The following CSMD1 variants were observed in gnomAD, a reference collection of about 807,000 sequenced individuals.
CSMD1 encodes the protein CUB and sushi domain-containing protein 1.
Under a neutral mutation model 417.5 loss-of-function variants are expected in CSMD1, and 213 were observed. The observed-to-expected ratio is 0.51, with a 90% CI of 0.46 to 0.57. CSMD1 has a LOEUF of 0.57. CSMD1 is among the 20% of genes least tolerant of loss of function. The probability of loss-of-function intolerance (pLI) is 0.00; values close to 1 mark genes in which losing one functional copy is unlikely to be tolerated. For missense variants in CSMD1, 6,923 were observed against 4,529.7 expected, an observed-to-expected ratio of 1.53 and a Z score of -15.17; for synonymous variants, 2,862 against 1,736.8, an observed-to-expected ratio of 1.65 and a Z score of -16.11.
At chr8:4,612,466 G>A (rs574589657) in intron 2 of CSMD1, among the ~76,000 whole-genome samples, 1 of 152,194 alleles carries the variant, frequency 6.6e-6, no homozygotes, top group East Asian at 1.9e-4. Flanking sequence ...TCCTTCTCAA[G>A]AACTCTGAGG....
At chr8:3,459,055 C>G (rs1035941018) in intron 12 of CSMD1, among the ~76,000 whole-genome samples, 2 of 152,186 alleles carry the variant, frequency 1.3e-5, no homozygotes, top group East Asian at 3.9e-4. Flanking sequence ...AGAAGGGAAG[C>G]GGCATGAGCG....
At chr8:4,492,011 C>T (rs566821775) in intron 2 of CSMD1, among the ~76,000 whole-genome samples, 1 of 148,092 alleles carries the variant, frequency 6.8e-6, no homozygotes, top group African/African-American at 2.5e-5. Flanking sequence ...GGTACATCCA[C>T]ATAGTGGAAT....
At chr8:4,733,279 GA>G (rs1476420731) in intron 1 of CSMD1, among the ~76,000 whole-genome samples, 1 of 152,112 alleles carries the variant, frequency 6.6e-6, no homozygotes, top group African/African-American at 2.4e-5. Flanking sequence ...TATGCAGAAG[GA>G]AAAATAAATG....
chr8:4,443,167 G>A (rs1444011494), intron 2 of CSMD1, among the ~76,000 whole-genome samples: 3 of 152,134 alleles, frequency 2.0e-5, no homozygotes, highest in Admixed American at 1.3e-4. Flanking sequence ...TTAAATGGTA[G>A]AATTCTTACA....
intron 3 of CSMD1, among the ~76,000 whole-genome samples, chr8:4,400,895 C>G (rs1804601272): frequency 6.6e-6 from 1 of 151,650 alleles, no homozygotes; most frequent in African/African-American, 2.4e-5. Flanking sequence ...AGGTGCCAAT[C>G]TTTTGTATAT....
Position 3,321,809 on chromosome 8 carries a change from A to C in CSMD1, c.3632-13306T>G, listed in dbSNP as rs532130792. Among the ~76,000 whole-genome samples, 5 of 152,362 alleles carry C rather than the reference A, an allele frequency of 3.3e-5. No homozygotes were observed. In the East Asian group the frequency reaches 9.6e-4, roughly 29 times the overall value. On this transcript the variant is annotated intron_variant, in intron 23 of 69. Coordinates refer to ENST00000635120, the MANE Select transcript of CSMD1 (RefSeq NM_033225.6). Reference sequence around the variant, plus strand: ...TAAAAATAAGTGAGCTGATTTTCAAAATCGTGAAAATAAATGTGTTTCAAA... The same window carrying C: ...TAAAAATAAGTGAGCTGATTTTCAACATCGTGAAAATAAATGTGTTTCAAA...
intron 2 of CSMD1, among the ~76,000 whole-genome samples, chr8:4,449,257 TG>T (rs771144042): frequency 7.9e-5 from 12 of 152,202 alleles, no homozygotes; most frequent in Non-Finnish European, 1.8e-4. Flanking sequence ...ACACTCAGGT[TG>T]TAACTATTGA....
chr8:3,556,904 C>G lies in CSMD1; in HGVS notation c.1344+18041G>C, dbSNP rs116604558. Among the ~76,000 whole-genome samples the G allele has an allele frequency of 5.2e-3, 799 of 152,226 alleles. 7 individuals are homozygous for G. Among genetic ancestry groups the G allele is most frequent in the African/African-American group, 0.018 (762 of 41,522 alleles). On this transcript the variant is annotated intron_variant, in intron 10 of 69. Transcript: ENST00000635120. ...TTCACAGGAAAGCCACAAAAACAATCATCAGGTCACAAATGCAGTTTTCAA... is the reference window on the plus strand; with the variant it reads ...TTCACAGGAAAGCCACAAAAACAATGATCAGGTCACAAATGCAGTTTTCAA...
At chr8:4,202,049 G>A (rs560148951) in intron 3 of CSMD1, among the ~76,000 whole-genome samples, 2 of 152,146 alleles carry the variant, frequency 1.3e-5, no homozygotes, top group Non-Finnish European at 2.9e-5. Flanking sequence ...CAGTCCTGCT[G>A]TGGGTTGGCT....
At position 4,994,504 on chromosome 8, in the gene CSMD1, C is replaced by A; in HGVS notation, c.-88G>T. ...GCGGAGCCAAATAATCACCCGAGGG[C>A]AAGGCGAGCCGGAGAGAGAGCCCGG... On this transcript the variant is annotated 5_prime_UTR_variant, in exon 1 of 70. Transcript: ENST00000635120. The A allele has an allele frequency of 8.1e-7, 1 of 1,233,242 alleles. No individual in the cohort carries two copies. The highest frequency in any genetic ancestry group is 1.2e-6 in the Non-Finnish European group (1 of 868,422). The allele number at this position is 1,233,242 out of a possible 1,614,324, so 76.4% of individuals were successfully genotyped here.
Position 4,031,045 on chromosome 8 carries a change from C to T in CSMD1, c.610+860G>A, listed in dbSNP as rs186908497. 4.2e-3 allele frequency among the ~76,000 whole-genome samples: 633 copies of T among 152,312 alleles called. 4 individuals carry two copies. Among genetic ancestry groups the T allele is most frequent in the African/African-American group, 0.014 (600 of 41,576 alleles). On this transcript the variant is annotated intron_variant, in intron 4 of 69. Transcript: ENST00000635120. ...GATTTCATTGTCCATATCATCAGCA[C>T]TTTGGTCAAAGCTATTCAACAAGTC...
intron 3 of CSMD1, among the ~76,000 whole-genome samples, chr8:4,205,047 T>G (rs1799894618): frequency 6.6e-6 from 1 of 152,176 alleles, no homozygotes; most frequent in Admixed American, 6.6e-5. Flanking sequence ...TTACCTCTAT[T>G]TTTTTCATAA....
intron 7 of CSMD1, among the ~76,000 whole-genome samples, chr8:3,622,638 T>C (rs1434558536): frequency 1.3e-5 from 2 of 152,190 alleles, no homozygotes; most frequent in African/African-American, 4.8e-5. Flanking sequence ...TTGCAGATGG[T>C]AGAAGATAAC....
intron 2 of CSMD1, among the ~76,000 whole-genome samples, chr8:4,542,555 C>A (rs1044351217): frequency 1.3e-5 from 2 of 152,264 alleles, no homozygotes; most frequent in South Asian, 4.1e-4. Flanking sequence ...TAAAAGGGTG[C>A]TGTCATTTTT....
intron 3 of CSMD1, among the ~76,000 whole-genome samples, chr8:4,190,312 C>T (rs1406427374): frequency 1.3e-5 from 2 of 148,438 alleles, no homozygotes; most frequent in African/African-American, 5.0e-5. Flanking sequence ...TTACTTACAT[C>T]TAAGCCCTAT....
chr8:4,543,345 C>T (rs1275886737), intron 2 of CSMD1, among the ~76,000 whole-genome samples: 2 of 152,104 alleles, frequency 1.3e-5, no homozygotes, highest in East Asian at 1.9e-4. Flanking sequence ...CTTTTAGCGT[C>T]CCCATAGTTC....
intron 11 of CSMD1, among the ~76,000 whole-genome samples, chr8:3,476,468 G>A (rs956330341): frequency 1.3e-5 from 2 of 152,122 alleles, no homozygotes; most frequent in East Asian, 3.9e-4. Context: ...TGGATTTCTG[G>A]GCCATATGAT....
chr8:4,258,981 A>G (rs551883520), intron 3 of CSMD1, among the ~76,000 whole-genome samples: 6 of 152,208 alleles, frequency 3.9e-5, no homozygotes, highest in Admixed American at 3.3e-4. Flanking sequence ...TCTAACTAAG[A>G]CTTTAAAAGA....
intron 1 of CSMD1, among the ~76,000 whole-genome samples, chr8:4,741,703 T>C (rs1585027863): frequency 6.6e-6 from 1 of 152,244 alleles, no homozygotes; most frequent in East Asian, 1.9e-4. Flanking sequence ...TCTTCACTAC[T>C]CCAGGTTCCC....
Sources: allele counts gnomAD v4.1 joint callset (sites outside exome capture counted in the v4.1 genomes callset), GRCh38; gene constraint gnomAD v4.1.1; transcripts MANE v1.5; gene names NCBI Gene and HGNC (gene_info 2026-07-23, HGNC 2026-07-21).